The following SCRG1 variants were observed in gnomAD, a reference collection of about 807,000 sequenced individuals.
SCRG1 encodes scrapie-responsive protein 1.
SCRG1 carries 3 observed loss-of-function variants against 7.7 expected under a neutral mutation model. The ratio of observed to expected loss-of-function variants is 0.39; its 90% CI spans 0.18 to 1.01. SCRG1 has a LOEUF of 1.01. SCRG1 is among the 50% of genes least tolerant of loss of function. The pLI is 0.36. For missense variants in SCRG1, 110 were observed against 117.2 expected (o/e 0.94, Z 0.28); for synonymous variants, 46 against 41.2 (o/e 1.12, Z -0.44).
At chr4:173,509,655 T>C in the SCRG1 span, among the ~76,000 whole-genome samples, 3 of 152,206 alleles carry the variant, frequency 2.0e-5, no homozygotes, top group East Asian at 5.8e-4. This position sits in a 1 kb window ranked among gnomAD's most constrained non-coding sequence, Gnocchi z 5.7. Context: ...AACCCGCTCC[T>C]GGGCCGCGCG....
the SCRG1 span, among the ~76,000 whole-genome samples, chr4:173,418,403 T>C: frequency 6.6e-6 from 1 of 152,208 alleles, no homozygotes; most frequent in Non-Finnish European, 1.5e-5. Flanking sequence ...ATGATAATTG[T>C]GGCTGAGCCA....
chr4:173,437,305 G>A, the SCRG1 span, among the ~76,000 whole-genome samples: 1 of 152,102 alleles, frequency 6.6e-6, no homozygotes, highest in Admixed American at 6.6e-5. Flanking sequence ...AAACAAAACA[G>A]TGTGGGCATC....
At chr4:173,494,429 A>G in the SCRG1 span, among the ~76,000 whole-genome samples, 4,146 of 152,282 alleles carry the variant, frequency 0.027, 176 homozygotes, top group African/African-American at 0.086. Flanking sequence ...AGAAGAAAAA[A>G]GCAAATCTAT....
the SCRG1 span, among the ~76,000 whole-genome samples, chr4:173,435,871 A>G: frequency 6.6e-6 from 1 of 152,178 alleles, no homozygotes; most frequent in East Asian, 1.9e-4. Flanking sequence ...AGGATGCCAA[A>G]TAACTCAGGA....
At chr4:173,435,066 A>G in the SCRG1 span, among the ~76,000 whole-genome samples, 1 of 152,092 alleles carries the variant, frequency 6.6e-6, no homozygotes, top group African/African-American at 2.4e-5. Context: ...CAGATTTAGG[A>G]TTCACTATTA....
chr4:173,485,332 A>G, the SCRG1 span, among the ~76,000 whole-genome samples: 1 of 148,426 alleles, frequency 6.7e-6, no homozygotes, highest in East Asian at 2.0e-4. Context: ...TGAATTAGTC[A>G]CTACCAAGTA....
At chr4:173,416,911 A>AACACAC in the SCRG1 span, among the ~76,000 whole-genome samples, 735 of 125,224 alleles carry the variant, frequency 5.9e-3, 15 homozygotes, top group African/African-American at 0.013. Context: ...CACACACCCA[A>AACACAC]ACACACACAC....
At chr4:173,515,172 C>T in the SCRG1 span, among the ~76,000 whole-genome samples, 8 of 152,180 alleles carry the variant, frequency 5.3e-5, no homozygotes, top group East Asian at 1.4e-3. The surrounding 1 kb of genome is among the most constrained non-coding windows in gnomAD (Gnocchi z 4.6). Context: ...CTTGGTTTCC[C>T]CAGCTGTTTG....
the SCRG1 span, among the ~76,000 whole-genome samples, chr4:173,440,839 T>C: frequency 6.6e-6 from 1 of 152,230 alleles, no homozygotes; most frequent in East Asian, 1.9e-4. Flanking sequence ...TTCTTTGGCC[T>C]GTAGATGCAT....
At chr4:173,469,987 T>C in the SCRG1 span, 1 of 152,136 alleles carries the variant, frequency 6.6e-6, no homozygotes, top group Non-Finnish European at 1.5e-5. Context: ...GGCTCTTGTC[T>C]TCTGCTGGGA....
chr4:173,508,601 G>C, the SCRG1 span, among the ~76,000 whole-genome samples: 1 of 152,198 alleles, frequency 6.6e-6, no homozygotes. This position sits in a 1 kb window ranked among gnomAD's most constrained non-coding sequence, Gnocchi z 4.4. Flanking sequence ...GGGTGCCCAA[G>C]AGACTTCTCA....
chr4:173,494,702 G>A, the SCRG1 span, among the ~76,000 whole-genome samples: 4 of 152,230 alleles, frequency 2.6e-5, no homozygotes, highest in Non-Finnish European at 2.9e-5. Context: ...AGGGCAGCCA[G>A]GCTGCTGGCC....
At chr4:173,423,017 C>T in the SCRG1 span, among the ~76,000 whole-genome samples, 4 of 152,232 alleles carry the variant, frequency 2.6e-5, no homozygotes, top group African/African-American at 9.6e-5. Flanking sequence ...TTGGTTTCAG[C>T]TAACCTCAAG....
Position 173,388,308 on chromosome 4 carries a change from A to G in SCRG1, c.*33T>C. 6.5e-7 allele frequency: 1 copy of G among 1,545,178 alleles called. No homozygotes were observed. Among genetic ancestry groups the G allele is most frequent in the Non-Finnish European group, 8.9e-7 (1 of 1,120,306 alleles). On this transcript the variant is annotated 3_prime_UTR_variant, in exon 3 of 3. Transcript: ENST00000296506. ...GATGTAGTGCAGTTTGTGGGAAATC[A>G]GGAATGGTGTTCTCCAGAATACATG... is the stretch of plus-strand genomic sequence containing the variant.
At chr4:173,416,324 G>A in the SCRG1 span, among the ~76,000 whole-genome samples, 4 of 152,358 alleles carry the variant, frequency 2.6e-5, no homozygotes, top group African/African-American at 9.6e-5. Context: ...GATCCTGTCT[G>A]CCATAAGAAC....
the SCRG1 span, among the ~76,000 whole-genome samples, chr4:173,412,979 A>G: frequency 6.6e-6 from 1 of 152,190 alleles, no homozygotes; most frequent in East Asian, 1.9e-4. Flanking sequence ...ATCTACCGAC[A>G]TGTGCAATGG....
the SCRG1 span, among the ~76,000 whole-genome samples, chr4:173,480,317 C>T: frequency 1.3e-5 from 2 of 150,524 alleles, no homozygotes; most frequent in Non-Finnish European, 1.5e-5. Flanking sequence ...AGGCTTAGTA[C>T]AGTACAAAAA....
At chr4:173,490,502 C>G in the SCRG1 span, among the ~76,000 whole-genome samples, 2 of 152,152 alleles carry the variant, frequency 1.3e-5, no homozygotes, top group African/African-American at 4.8e-5. Flanking sequence ...ACTAGCCAGG[C>G]CCTGCGGGTC....
the SCRG1 span, among the ~76,000 whole-genome samples, chr4:173,517,117 C>T: frequency 2.0e-5 from 3 of 152,294 alleles, no homozygotes; most frequent in East Asian, 3.9e-4. Context: ...GGTCCCGGCC[C>T]CAAAGCAGGC....
Sources: gnomAD v4.1 joint callset for allele counts (sites outside exome capture counted in the v4.1 genomes callset) on GRCh38, gnomAD v4.1.1 for gene constraint, Gnocchi (gnomAD v3.1) non-coding constraint, MANE v1.5 for transcripts, NCBI Gene and HGNC (gene_info 2026-07-23, HGNC 2026-07-21) for gene names.